The following ATXN10 variants were observed in gnomAD, a reference collection of about 807,000 sequenced individuals.
The protein encoded by ATXN10 is ataxin 10, also known as ataxin-10.
In ATXN10, 28 loss-of-function variants were observed where a neutral mutation model predicts 52.9. That is an observed-to-expected ratio of 0.53 (90% confidence interval 0.39 to 0.73). The LOEUF is 0.73. Ranked by LOEUF, ATXN10 falls within the 30% of genes least tolerant of loss-of-function variation. The probability of loss-of-function intolerance (pLI) is 0.00; values close to 1 mark genes in which losing one functional copy is unlikely to be tolerated. For synonymous variants in ATXN10, 226 were observed against 221.5 expected (o/e 1.02, Z -0.18); for missense variants, 565 against 577.0 (o/e 0.98, Z 0.21).
rs1057460824 is a variant in ATXN10, at chr22:45,816,692, C to T, written c.1237+9670C>T. ...CTATAGTATCTTAATAGGTAATATA[C>T]GGGAGAAGCCTTCTTTTAATAAAAT... On this transcript the variant is annotated intron_variant, in intron 10 of 11. Coordinates refer to ENST00000252934, the MANE Select transcript of ATXN10 (RefSeq NM_013236.4). The surrounding 1 kb of genome is among the most constrained non-coding windows in gnomAD (Gnocchi z 5.8). 6.6e-6 allele frequency among the ~76,000 whole-genome samples: 1 copy of T among 152,242 alleles called. No individual in the cohort carries two copies. The highest frequency in any genetic ancestry group is 1.9e-4 in the East Asian group (1 of 5,184).
chr22:45,676,902 C>G (rs1423430667), intron 1 of ATXN10: 1 of 152,334 alleles, frequency 6.6e-6, no homozygotes, highest in Non-Finnish European at 1.5e-5. Flanking sequence ...GCCTCCTTCC[C>G]CAGTAGCTGG....
At chr22:45,720,231 A>G (rs932004535) in intron 6 of ATXN10, among the ~76,000 whole-genome samples, 20 of 151,702 alleles carry the variant, frequency 1.3e-4, no homozygotes, top group African/African-American at 4.4e-4. Flanking sequence ...AGTTTACCCT[A>G]TGGAATCTTT....
At position 45,683,348 on chromosome 22, in the gene ATXN10, T is replaced by A. The variant is rs904822088; in HGVS notation, c.117-6364T>A. Among the ~76,000 whole-genome samples the A allele has an allele frequency of 6.6e-5, 10 of 152,256 alleles. No individual in the cohort carries two copies. In the South Asian group the frequency reaches 1.7e-3, roughly 25 times the overall value. ...ACAAAACGAAAAAAAGAACCTTCCA[T>A]GGCTTCACATCAGGATAAAAGCCAG... On this transcript the variant is annotated intron_variant, in intron 1 of 11. Transcript: ENST00000252934. This position sits in a 1 kb window ranked among gnomAD's most constrained non-coding sequence, Gnocchi z 4.8.
At chr22:45,802,800 A>G (rs1221848145) in intron 9 of ATXN10, among the ~76,000 whole-genome samples, 2 of 152,196 alleles carry the variant, frequency 1.3e-5, no homozygotes, top group Admixed American at 6.5e-5. Context: ...CCCATTTAGC[A>G]TATCTCAAGA....
chr22:45,814,240 C>T (rs1473273841), intron 10 of ATXN10, among the ~76,000 whole-genome samples: 1 of 152,188 alleles, frequency 6.6e-6, no homozygotes, highest in Non-Finnish European at 1.5e-5. Context: ...TTACATATAT[C>T]TGACAGAGGA....
intron 5 of ATXN10, among the ~76,000 whole-genome samples, chr22:45,713,015 T>C (rs1433354782): frequency 6.6e-6 from 1 of 152,214 alleles, no homozygotes; most frequent in Non-Finnish European, 1.5e-5. Context: ...AAATCTATTT[T>C]ACTCATGTTG....
rs1222540261 is a variant in ATXN10 at position 45,766,620 on chromosome 22, G to A, written c.1173+26082G>A. Among the ~76,000 whole-genome samples, 1 of 152,178 alleles carries A rather than the reference G, an allele frequency of 6.6e-6. No homozygotes were observed. Among genetic ancestry groups the A allele is most frequent in the Non-Finnish European group, 1.5e-5 (1 of 68,038 alleles). On this transcript the variant is annotated intron_variant, in intron 9 of 11. Transcript: ENST00000252934. The surrounding 1 kb of genome is among the most constrained non-coding windows in gnomAD (Gnocchi z 4.6). ...AAGTATTAGGAGAAAACATGAATGAGTTCCGTTATATAACCTCCGAGTCTG... is the reference window on the plus strand; with the variant it reads ...AAGTATTAGGAGAAAACATGAATGAATTCCGTTATATAACCTCCGAGTCTG...
intron 9 of ATXN10, among the ~76,000 whole-genome samples, chr22:45,752,201 A>T (rs1179009123): frequency 6.6e-6 from 1 of 152,206 alleles, no homozygotes; most frequent in Non-Finnish European, 1.5e-5. Flanking sequence ...TGTTTGCCAT[A>T]TGCTGTGTAC....
chr22:45,699,303 G>C (rs1288817651), intron 3 of ATXN10, among the ~76,000 whole-genome samples: 1 of 151,956 alleles, frequency 6.6e-6, no homozygotes, highest in African/African-American at 2.4e-5. Context: ...ACATCTTTAA[G>C]CCTTTTCCTT....
In ATXN10 at chr22:45,819,885, TGA is replaced by T. The variant is rs1928592511; in HGVS notation, c.1237+12868_1237+12869del. 6.6e-6 allele frequency among the ~76,000 whole-genome samples: 1 copy of T among 152,206 alleles called. No individual in the cohort carries two copies. Among genetic ancestry groups the T allele is most frequent in the South Asian group, 2.1e-4 (1 of 4,832 alleles). ...CAGATTATATATTTTGTGAGACACT[TGA>T]GAGACTGGGTAGCCAAAGTTTGGCA... On this transcript the variant is annotated intron_variant, in intron 10 of 11. Transcript: ENST00000252934. This position sits in a 1 kb window ranked among gnomAD's most constrained non-coding sequence, Gnocchi z 4.5.
At chr22:45,673,524 T>A (rs1342238430) in intron 1 of ATXN10, 1 of 152,246 alleles carries the variant, frequency 6.6e-6, no homozygotes, top group African/African-American at 2.4e-5. Flanking sequence ...TTCTGTATCA[T>A]GATGGACCCT....
At chr22:45,674,262 G>C (rs898197948) in intron 1 of ATXN10, 1 of 152,228 alleles carries the variant, frequency 6.6e-6, no homozygotes, top group Non-Finnish European at 1.5e-5. Flanking sequence ...TTGGATTGTG[G>C]GGGGGAGAAT....
At position 45,756,167 on chromosome 22, in the gene ATXN10, A is replaced by G. The variant is rs554823157; in HGVS notation, c.1173+15629A>G. Among the ~76,000 whole-genome samples the G allele has an allele frequency of 5.1e-4, 78 of 152,060 alleles. 1 individual carries two copies. Among genetic ancestry groups the G allele is most frequent in the African/African-American group, 1.8e-3 (75 of 41,508 alleles). On this transcript the variant is annotated intron_variant, in intron 9 of 11. Coordinates refer to ENST00000252934, the MANE Select transcript of ATXN10 (RefSeq NM_013236.4). ...CTAGACTTTTTTTTTTTTTAAAGAGACAAGGTTGTGCTTTCTCACCCAGGC... is the reference window on the plus strand; with the variant it reads ...CTAGACTTTTTTTTTTTTTAAAGAGGCAAGGTTGTGCTTTCTCACCCAGGC...
rs1489380642 is a variant in ATXN10, at chr22:45,733,461, G to A, written c.894+3871G>A. 6.6e-6 allele frequency among the ~76,000 whole-genome samples: 1 copy of A among 152,134 alleles called. No individual in the cohort carries two copies. The highest frequency in any genetic ancestry group is 2.1e-4 in the South Asian group (1 of 4,824). On this transcript the variant is annotated intron_variant, in intron 7 of 11. Transcript: ENST00000252934. The surrounding 1 kb of genome is among the most constrained non-coding windows in gnomAD (Gnocchi z 4.4). The stretch of plus-strand genomic sequence containing the variant: ...TAAAGTTACAAAGTTTCAGCCAGGC[G>A]TGGTGGCTCATACCTGTAATCCCAG...
chr22:45,672,028 C>T lies in ATXN10; in HGVS notation c.-36C>T, dbSNP rs549058216. 5 of 1,530,402 alleles carry T rather than the reference C, an allele frequency of 3.3e-6. No individual in the cohort carries two copies. Among genetic ancestry groups the T allele is most frequent in the South Asian group, 2.4e-5 (2 of 83,404 alleles). 94.8% of individuals were successfully genotyped at this position (1,530,402 alleles called of 1,614,324 possible). ...CCCCTTCGTCCTCCTCGCCTTCCTCCTCCTCGTCAGGCTCGACCCAGCTGT... is the reference window on the plus strand; with the variant it reads ...CCCCTTCGTCCTCCTCGCCTTCCTCTTCCTCGTCAGGCTCGACCCAGCTGT... On this transcript the variant is annotated 5_prime_UTR_variant, in exon 1 of 12. Transcript: ENST00000252934.
chr22:45,776,764 G>T (rs1171672337), intron 9 of ATXN10, among the ~76,000 whole-genome samples: 1 of 152,076 alleles, frequency 6.6e-6, no homozygotes, highest in Admixed American at 6.5e-5. Context: ...CGTGATGCTT[G>T]GTATATGAAT....
chr22:45,734,198 G>T (rs1171197545), intron 7 of ATXN10, among the ~76,000 whole-genome samples: 1 of 152,104 alleles, frequency 6.6e-6, no homozygotes, highest in Non-Finnish European at 1.5e-5. Context: ...GAAGAATTAT[G>T]TGTATTTAAA....
At chr22:45,707,244 A>G (rs1924078808) in intron 5 of ATXN10, among the ~76,000 whole-genome samples, 1 of 152,134 alleles carries the variant, frequency 6.6e-6, no homozygotes, top group South Asian at 2.1e-4. Flanking sequence ...AGCACCTGTA[A>G]TCCCACTTGC....
rs1926703263 is a variant in ATXN10 at position 45,769,547 on chromosome 22, A to G, written c.1173+29009A>G. On this transcript the variant is annotated intron_variant, in intron 9 of 11. Coordinates refer to ENST00000252934, the MANE Select transcript of ATXN10 (RefSeq NM_013236.4). This position sits in a 1 kb window ranked among gnomAD's most constrained non-coding sequence, Gnocchi z 4.2. ...GCAGTTATGTGGCGATGAAGAGACTATTTCAAAGGAATGAATTACACCAGC... is the reference window on the plus strand; with the variant it reads ...GCAGTTATGTGGCGATGAAGAGACTGTTTCAAAGGAATGAATTACACCAGC... Among the ~76,000 whole-genome samples, 1 of 152,150 alleles carries G rather than the reference A, an allele frequency of 6.6e-6. No individual in the cohort carries two copies.
Sources: allele counts gnomAD v4.1 joint callset (sites outside exome capture counted in the v4.1 genomes callset), GRCh38; gene constraint gnomAD v4.1.1; non-coding constraint Gnocchi (gnomAD v3.1); transcripts MANE v1.5; gene names NCBI Gene and HGNC (gene_info 2026-07-23, HGNC 2026-07-21).